Variants in PKD1L1 observed in about 807,000 individuals in gnomAD.
PKD1L1 encodes polycystin 1 like 1, transient receptor potential channel interacting, also known as polycystin-1-like protein 1.
Under a neutral mutation model 323.4 loss-of-function variants are expected in PKD1L1, and 236 were observed. The observed-to-expected ratio is 0.73, with a 90% confidence interval of 0.66 to 0.81. The LOEUF (loss-of-function observed/expected upper bound fraction) is 0.81. PKD1L1 is among the 40% of genes least tolerant of loss of function. The probability of loss-of-function intolerance (pLI) is 0.00; values close to 1 mark genes in which losing one functional copy is unlikely to be tolerated. For synonymous variants in PKD1L1, 1,344 were observed against 1,335.0 expected (o/e 1.01, Z -0.15); for missense variants, 3,320 against 3,508.0 (o/e 0.95, Z 1.35).
intron 26 of PKD1L1, among the ~76,000 whole-genome samples, chr7:47,864,017 G>A (rs1786092829): frequency 6.6e-6 from 1 of 152,180 alleles, no homozygotes; most frequent in South Asian, 2.1e-4. Context: ...AAATAAGTGA[G>A]ATTCTAAGCA....
intron 43 of PKD1L1, 145 bp downstream of exon 43, chr7:47,829,895 G>T: frequency 1.2e-6 from 1 of 838,904 alleles, no homozygotes; most frequent in Non-Finnish European, 2.0e-6. Context: ...TTAGCACAGA[G>T]CCTGGCTCCT....
rs1785518824 is a variant in PKD1L1 at position 47,839,286 on chromosome 7, G to A, written c.5769+160C>T. On this transcript the variant is annotated intron_variant, in intron 36 of 56. Transcript: ENST00000289672. This position sits in a 1 kb window ranked among gnomAD's most constrained non-coding sequence, Gnocchi z 4.3. The stretch of plus-strand genomic sequence containing the variant: ...ATGCTTGGATGGCCACTCAATGAAT[G>A]TATCATTTAATATTTTGATATCGTG... 6.6e-6 allele frequency among the ~76,000 whole-genome samples: 1 copy of A among 152,192 alleles called. No individual in the cohort carries two copies. The highest frequency in any genetic ancestry group is 2.4e-5 in the African/African-American group (1 of 41,444).
intron 56 of PKD1L1, among the ~76,000 whole-genome samples, chr7:47,783,772 T>C (rs1242829691): frequency 6.6e-6 from 1 of 152,240 alleles, no homozygotes; most frequent in Non-Finnish European, 1.5e-5. Flanking sequence ...CTTGGACTTC[T>C]GGCCTCCAGA....
At chr7:47,918,470 AAC>A (rs199763369) in intron 7 of PKD1L1, among the ~76,000 whole-genome samples, 2,390 of 111,236 alleles carry the variant, frequency 0.021, 63 homozygotes, top group African/African-American at 0.088. Context: ...GAAAGTCAAC[AAC>A]AAAAAAAAAA....
intron 37 of PKD1L1, among the ~76,000 whole-genome samples, 168 bp downstream of exon 37, chr7:47,836,753 C>A (rs573359233): frequency 6.6e-6 from 1 of 152,216 alleles, no homozygotes; most frequent in Non-Finnish European, 1.5e-5. Flanking sequence ...CAGTGCCACA[C>A]CGGGCAGAGC....
chr7:47,916,264 T>C (rs1787427517), intron 7 of PKD1L1, among the ~76,000 whole-genome samples: 1 of 152,246 alleles, frequency 6.6e-6, no homozygotes, highest in Admixed American at 6.5e-5. Context: ...CATTTGCAAA[T>C]GCCTTTAAGG....
At chr7:47,957,862 A>AAATATATATATATATATATAT in the PKD1L1 span, among the ~76,000 whole-genome samples, 1 of 134,666 alleles carries the variant, frequency 7.4e-6, no homozygotes, top group African/African-American at 2.7e-5. Flanking sequence ...ATTAAAAAAA[A>AAATATATATATATATATATAT]ATATATATAT....
chr7:47,910,560 G>C (rs578138116), intron 8 of PKD1L1, among the ~76,000 whole-genome samples: 1 of 151,934 alleles, frequency 6.6e-6, no homozygotes, highest in Admixed American at 6.6e-5. Flanking sequence ...GGATGGTCTC[G>C]ATCTCCCAAC....
intron 8 of PKD1L1, among the ~76,000 whole-genome samples, chr7:47,911,902 C>A: frequency 6.9e-6 from 1 of 144,414 alleles, no homozygotes; most frequent in Non-Finnish European, 1.5e-5. Flanking sequence ...AAATGCAACT[C>A]TTTAAATTAT....
chr7:47,813,090 G>A, intron 49 of PKD1L1, 31 bp downstream of exon 49: 1 of 1,594,762 alleles, frequency 6.3e-7, no homozygotes, highest in African/African-American at 1.3e-5. Context: ...TGGCAGGCAG[G>A]ATGAGCCCCG....
chr7:47,885,973 G>A lies in PKD1L1; in HGVS notation c.2918C>T (p.Pro973Leu). 1 of 1,614,180 alleles carries A rather than the reference G, an allele frequency of 6.2e-7. No homozygotes were observed. Among genetic ancestry groups the A allele is most frequent in the Non-Finnish European group, 8.5e-7 (1 of 1,180,030 alleles). The change falls in exon 18 of 57, where the codon CCC becomes CTC. Residue 973 changes from proline to leucine, a missense_variant. Physicochemically the swap from Pro to Leu is moderately conservative, Grantham distance 98 (BLOSUM62 -3). Coordinates refer to ENST00000289672, the MANE Select transcript of PKD1L1 (RefSeq NM_138295.5). Reference protein sequence around the residue: ...ISESSQLNLLPTEPGTADPDA... With the variant: ...ISESSQLNLLLTEPGTADPDA... Reference sequence around the variant, plus strand: ...AGGATCTGCAGTGCCAGGCTCAGTGGGCAGCAGGTTTAACTGTGATGACTC... The same window carrying A: ...AGGATCTGCAGTGCCAGGCTCAGTGAGCAGCAGGTTTAACTGTGATGACTC...
chr7:47,809,884 A>G (rs1784858073), intron 50 of PKD1L1: 1 of 247,480 alleles, frequency 4.0e-6, no homozygotes, highest in East Asian at 8.4e-5. Context: ...CCCGACCTCC[A>G]TGCTGATCCT....
intron 8 of PKD1L1, among the ~76,000 whole-genome samples, chr7:47,909,721 C>T (rs1390662102): frequency 6.6e-6 from 1 of 152,178 alleles, no homozygotes; most frequent in Admixed American, 6.5e-5. Flanking sequence ...GTATGCAATG[C>T]TTTCTTAGGA....
At chr7:47,834,521 T>C in intron 39 of PKD1L1, 136 bp from the exon 40 acceptor site, 1 of 764,294 alleles carries the variant, frequency 1.3e-6, no homozygotes, top group Admixed American at 2.1e-5. Flanking sequence ...AGAATGAGTA[T>C]TTCTGAGAGG....
chr7:47,905,747 C>T (rs1787189459), intron 10 of PKD1L1, 96 bp downstream of exon 10: 11 of 1,518,358 alleles, frequency 7.2e-6, no homozygotes, highest in South Asian at 3.7e-5. Context: ...CCAGCAGAGC[C>T]GATAACAAAA....
chr7:47,881,628 C>A (rs183974336), intron 20 of PKD1L1, among the ~76,000 whole-genome samples: 1 of 152,172 alleles, frequency 6.6e-6, no homozygotes, highest in Non-Finnish European at 1.5e-5. Flanking sequence ...AGAAAAGGTG[C>A]GCACCAAGGT....
intron 1 of PKD1L1, 44 bp from the exon 2 acceptor site, chr7:47,943,555 A>G (rs765399013): frequency 8.3e-6 from 12 of 1,441,098 alleles, no homozygotes; most frequent in African/African-American, 1.4e-5. Flanking sequence ...ATTAAGTACA[A>G]TCGTTTAATC....
chr7:47,884,504 G>T, intron 19 of PKD1L1, 94 bp downstream of exon 19: 1 of 1,094,358 alleles, frequency 9.1e-7, no homozygotes, highest in Non-Finnish European at 1.4e-6. Context: ...GCTCTCAGTG[G>T]CTGTGTAAGG....
chr7:47,829,544 TA>T lies in PKD1L1; in HGVS notation c.6615del (p.Phe2205LeufsTer63). On this transcript the variant is annotated frameshift_variant, in exon 44 of 57. Transcript: ENST00000289672. LOFTEE classifies it high-confidence loss of function. ...CTGGTAGCCTCACATAAAGACTCAG[TA>T]AAAAAGTGGTTGTCAGCTCTTCTTT... The part of the protein sequence containing the change: ...AWKRRADNHF[F>X]TESLCEATRD... The T allele has an allele frequency of 6.2e-7, 1 of 1,613,400 alleles. No homozygotes were observed. Among genetic ancestry groups the T allele is most frequent in the Non-Finnish European group, 8.5e-7 (1 of 1,179,858 alleles).
Sources: gnomAD v4.1 joint callset for allele counts (sites outside exome capture counted in the v4.1 genomes callset) on GRCh38, gnomAD v4.1.1 for gene constraint, Gnocchi (gnomAD v3.1) non-coding constraint, MANE v1.5 for transcripts, NCBI Gene and HGNC (gene_info 2026-07-23, HGNC 2026-07-21) for gene names.